The following TRPM3 variants were observed in gnomAD, a reference collection of about 807,000 sequenced individuals.
TRPM3 encodes the protein long transient receptor potential channel 3.
In TRPM3, 77 loss-of-function variants were observed where a neutral mutation model predicts 181.2. That is an observed-to-expected ratio of 0.42 (90% CI 0.35 to 0.51). The LOEUF is 0.51. Among genes scored for constraint, TRPM3 ranks in the 20% least tolerant of loss-of-function variants. TRPM3 has a pLI of 0.01. For missense variants in TRPM3, 1,759 were observed against 2,196.7 expected, an observed-to-expected ratio of 0.80 and a Z score of 3.98; for synonymous variants, 745 against 796.4, an observed-to-expected ratio of 0.94 and a Z score of 1.09.
At position 71,201,830 on chromosome 9, in the gene TRPM3, G is replaced by A. The variant is rs1465605969; in HGVS notation, c.183+244823C>T. Among the ~76,000 whole-genome samples, 17 of 152,292 alleles carry A rather than the reference G, an allele frequency of 1.1e-4. No individual in the cohort carries two copies. In the South Asian group the frequency reaches 1.5e-3, roughly 13 times the overall value. ...GTCTGAAGCCTTCTTCTCTCAACTCGTCAAAGTCATTCTCCGTCCAGCTTT... is the reference window on the plus strand; with the variant it reads ...GTCTGAAGCCTTCTTCTCTCAACTCATCAAAGTCATTCTCCGTCCAGCTTT... On this transcript the variant is annotated intron_variant, in intron 1 of 24. Transcript: ENST00000357533.
chr9:71,279,464 A>G (rs1430287573), intron 1 of TRPM3, among the ~76,000 whole-genome samples: 1 of 152,226 alleles, frequency 6.6e-6, no homozygotes, highest in Non-Finnish European at 1.5e-5. Flanking sequence ...ACTTAAAAGG[A>G]AAACTTTATA....
chr9:71,021,580 A>C (rs557978561), intron 1 of TRPM3, among the ~76,000 whole-genome samples: 1 of 152,354 alleles, frequency 6.6e-6, no homozygotes, highest in East Asian at 1.9e-4. Context: ...ATGTCTATTG[A>C]CCTTCAACTT....
At chr9:70,685,460 C>A (rs2066504113) in intron 8 of TRPM3, among the ~76,000 whole-genome samples, 1 of 152,086 alleles carries the variant, frequency 6.6e-6, no homozygotes, top group Non-Finnish European at 1.5e-5. Flanking sequence ...GGCTGGAGTG[C>A]AATGGCATGA....
chr9:70,790,897 T>G (rs1195966047), intron 6 of TRPM3, among the ~76,000 whole-genome samples: 5 of 152,198 alleles, frequency 3.3e-5, no homozygotes, highest in African/African-American at 1.2e-4. Flanking sequence ...GAGAATATTT[T>G]AATACATTAT....
At chr9:70,945,633 C>T (rs1222853408) in intron 1 of TRPM3, among the ~76,000 whole-genome samples, 2 of 152,094 alleles carry the variant, frequency 1.3e-5, no homozygotes, top group Non-Finnish European at 2.9e-5. Flanking sequence ...ACATGAGATT[C>T]CCTTCTTTGG....
At chr9:71,426,910 G>A (rs918888196) in intron 1 of TRPM3, among the ~76,000 whole-genome samples, 1 of 150,736 alleles carries the variant, frequency 6.6e-6, no homozygotes, top group African/African-American at 2.4e-5. Flanking sequence ...TCCTTTTTAT[G>A]TCTGCCATTT....
chr9:71,197,776 A>G (rs10868973), intron 1 of TRPM3, among the ~76,000 whole-genome samples: 1 of 125,298 alleles, frequency 8.0e-6, no homozygotes, highest in Non-Finnish European at 1.7e-5. Context: ...TATTAGCCCT[A>G]TGTCAGATGA....
chr9:70,640,663 G>C lies in TRPM3; in HGVS notation c.1346-3C>G. The C allele has an allele frequency of 6.2e-7, 1 of 1,611,858 alleles. No individual in the cohort carries two copies. The highest frequency in any genetic ancestry group is 8.5e-7 in the Non-Finnish European group (1 of 1,178,460). On this transcript the variant is annotated splice_polypyrimidine_tract_variant and splice_region_variant and intron_variant, in intron 9 of 25. Coordinates refer to ENST00000677713, the MANE Select transcript of TRPM3 (RefSeq NM_001366145.2). Reference sequence around the variant, plus strand: ...GTCTGGGGCCGAGGCATTGGCTCCTGTGTGAGGACAAGTGGGAGAAAAGAG... The same window carrying C: ...GTCTGGGGCCGAGGCATTGGCTCCTCTGTGAGGACAAGTGGGAGAAAAGAG...
rs77214386 is a variant in TRPM3, at chr9:70,907,588, C to T, written c.178-43077G>A. Among the ~76,000 whole-genome samples the T allele has an allele frequency of 2.7e-4, 41 of 152,188 alleles. No individual in the cohort carries two copies. The East Asian group carries it at 4.8e-3, about 18-fold the overall frequency. ...TATTTTAGATTCAAGGGTATAGGTA[C>T]GGTTTTATTACATGGGTGTGTTGCA... On this transcript the variant is annotated intron_variant, in intron 1 of 25. Transcript: ENST00000677713.
chr9:70,828,377 C>T (rs10780971), intron 5 of TRPM3, among the ~76,000 whole-genome samples: 66,262 of 152,038 alleles, frequency 0.44, 15,305 homozygotes, highest in Non-Finnish European at 0.5. Context: ...TATTTTGTTT[C>T]TTTCCTTTCT....
chr9:70,803,594 G>A (rs1368209361), intron 6 of TRPM3, among the ~76,000 whole-genome samples: 1 of 150,498 alleles, frequency 6.6e-6, no homozygotes, highest in Non-Finnish European at 1.5e-5. Context: ...GACCACAGGC[G>A]CCCGCCACTA....
rs140333782 is a variant in TRPM3 at position 71,398,114 on chromosome 9, G to A, written c.183+48539C>T. Among the ~76,000 whole-genome samples, 105 of 152,222 alleles carry A rather than the reference G, an allele frequency of 6.9e-4. 1 individual carries two copies. In the Middle Eastern group the frequency reaches 0.017, roughly 25 times the overall value. ...AGCCCCATGATCTGCCCCATGATAA[G>A]CTTCACATTACATCAATTTAATTAT... On this transcript the variant is annotated intron_variant, in intron 1 of 24. Transcript: ENST00000357533.
chr9:70,700,584 G>A (rs1218778633), intron 8 of TRPM3, among the ~76,000 whole-genome samples: 4 of 152,160 alleles, frequency 2.6e-5, no homozygotes, highest in East Asian at 1.9e-4. Flanking sequence ...CAGCCTGGAG[G>A]AGATTCTAAA....
At chr9:71,110,696 T>C (rs1382676492) in intron 1 of TRPM3, among the ~76,000 whole-genome samples, 1 of 152,200 alleles carries the variant, frequency 6.6e-6, no homozygotes, top group Non-Finnish European at 1.5e-5. Flanking sequence ...AACTACTTAT[T>C]CTAGGTAACT....
chr9:71,038,019 A>T (rs1044687462), intron 1 of TRPM3, among the ~76,000 whole-genome samples: 3 of 152,252 alleles, frequency 2.0e-5, no homozygotes, highest in Non-Finnish European at 4.4e-5. Context: ...GATTACAAGG[A>T]AGCAGAGGTC....
chr9:71,230,876 T>C (rs1442556364), intron 1 of TRPM3, among the ~76,000 whole-genome samples: 1 of 152,212 alleles, frequency 6.6e-6, no homozygotes, highest in East Asian at 1.9e-4. Context: ...TAAGTAAATA[T>C]TCCTGTTTTG....
At chr9:71,203,396 CA>C (rs1224752190) in intron 1 of TRPM3, among the ~76,000 whole-genome samples, 3 of 152,134 alleles carry the variant, frequency 2.0e-5, no homozygotes, top group Non-Finnish European at 2.9e-5. Flanking sequence ...AAGTTGTAAG[CA>C]AATCCACTGT....
chr9:71,311,018 T>C (rs940074368), intron 1 of TRPM3, among the ~76,000 whole-genome samples: 40 of 152,172 alleles, frequency 2.6e-4, no homozygotes, highest in Admixed American at 2.6e-3. Context: ...AAAATTATTA[T>C]AAGGATTATT....
chr9:71,224,419 C>G (rs2080447722), intron 1 of TRPM3, among the ~76,000 whole-genome samples: 1 of 152,190 alleles, frequency 6.6e-6, no homozygotes, highest in Non-Finnish European at 1.5e-5. Flanking sequence ...CCTGGAAAGC[C>G]TTCCCAAGGA....
Sources: allele counts gnomAD v4.1 joint callset (sites outside exome capture counted in the v4.1 genomes callset), GRCh38; gene constraint gnomAD v4.1.1; transcripts MANE v1.5; gene names NCBI Gene and HGNC (gene_info 2026-07-23, HGNC 2026-07-21).